The following LINC00305 variants were observed in gnomAD, a reference collection of about 807,000 sequenced individuals.
LINC00305 encodes long independently transcribed non-coding RNA 305.
At chr18:64,115,979 C>T (rs1010840541) in intron 1 of LINC00305, among the ~76,000 whole-genome samples, 1 of 152,154 alleles carries the variant, frequency 6.6e-6, no homozygotes, top group Non-Finnish European at 1.5e-5. Context: ...AGAAAATGTA[C>T]TTTTCCATTG....
intron 1 of LINC00305, among the ~76,000 whole-genome samples, chr18:64,143,804 T>C (rs924134511): frequency 2.0e-5 from 3 of 150,146 alleles, no homozygotes; most frequent in Middle Eastern, 3.4e-3. Flanking sequence ...TGCGTACATG[T>C]ATGTATACAT....
intron 1 of LINC00305, among the ~76,000 whole-genome samples, chr18:64,134,738 A>G (rs2144271493): frequency 6.6e-6 from 1 of 152,350 alleles, no homozygotes; most frequent in Admixed American, 6.5e-5. Context: ...ATATTTTCCC[A>G]AAACAAAAGT....
intron 3 of LINC00305, among the ~76,000 whole-genome samples, chr18:64,086,602 A>G (rs17785029): frequency 0.04 from 6,102 of 152,302 alleles, 166 homozygotes; most frequent in Non-Finnish European, 0.063. Flanking sequence ...TCTGTCCTCT[A>G]TTGAGAGTGT....
chr18:64,090,969 T>C (rs1038335117), intron 3 of LINC00305, among the ~76,000 whole-genome samples: 2 of 152,208 alleles, frequency 1.3e-5, no homozygotes, highest in Non-Finnish European at 2.9e-5. Context: ...TTGATTAGCA[T>C]TTACCAACAC....
intron 1 of LINC00305, among the ~76,000 whole-genome samples, chr18:64,122,041 AT>A (rs546756446): frequency 1.3e-5 from 2 of 151,568 alleles, no homozygotes. Flanking sequence ...TACTTCTTTG[AT>A]TTTTTGTTGA....
At chr18:64,091,278 G>T (rs1015817298) in intron 3 of LINC00305, among the ~76,000 whole-genome samples, 111 of 152,126 alleles carry the variant, frequency 7.3e-4, no homozygotes, top group African/African-American at 2.6e-3. Flanking sequence ...CTTTCCTTTG[G>T]ATCTCTCTAA....
intron 3 of LINC00305, among the ~76,000 whole-genome samples, chr18:64,080,947 AG>A (rs2051182693): frequency 6.6e-6 from 1 of 152,232 alleles, no homozygotes; most frequent in Admixed American, 6.5e-5. Context: ...TAAAAACAAC[AG>A]TATCTAGTCC....
chr18:64,140,022 C>T (rs186047644), intron 1 of LINC00305, among the ~76,000 whole-genome samples: 2 of 152,156 alleles, frequency 1.3e-5, no homozygotes, highest in African/African-American at 2.4e-5. Context: ...AAAGACTGCT[C>T]CCACCTCGGA....
intron 1 of LINC00305, among the ~76,000 whole-genome samples, chr18:64,107,914 C>T (rs536018409): frequency 6.6e-6 from 1 of 152,272 alleles, no homozygotes; most frequent in Non-Finnish European, 1.5e-5. Context: ...AGAACAGGCT[C>T]AGGCCATTGA....
intron 1 of LINC00305, among the ~76,000 whole-genome samples, chr18:64,098,791 T>C (rs2051257038): frequency 6.6e-6 from 1 of 152,204 alleles, no homozygotes; most frequent in Non-Finnish European, 1.5e-5. Flanking sequence ...CTTAGACGTG[T>C]CCTCTATTTG....
chr18:64,080,592 A>C (rs752624348), intron 3 of LINC00305, among the ~76,000 whole-genome samples: 1 of 152,218 alleles, frequency 6.6e-6, no homozygotes, highest in Non-Finnish European at 1.5e-5. Flanking sequence ...CCAGGATTTT[A>C]TCATAGAATT....
At chr18:64,102,170 T>G (rs1640981034) in intron 1 of LINC00305, among the ~76,000 whole-genome samples, 1 of 152,132 alleles carries the variant, frequency 6.6e-6, no homozygotes, top group Admixed American at 6.5e-5. Context: ...CACAAAGCCC[T>G]CAGCAGCAAC....
chr18:64,097,237 G>A (rs1354046241), intron 3 of LINC00305, among the ~76,000 whole-genome samples: 3 of 151,994 alleles, frequency 2.0e-5, no homozygotes, highest in Non-Finnish European at 4.4e-5. Context: ...TTTTAAAGAT[G>A]CTAATAGCTG....
chr18:64,133,161 T>C (rs2051417645), intron 1 of LINC00305, among the ~76,000 whole-genome samples: 1 of 152,102 alleles, frequency 6.6e-6, no homozygotes, highest in Non-Finnish European at 1.5e-5. Flanking sequence ...ACTGGTTGCA[T>C]AGGAGATGAG....
rs150377353 is a variant in LINC00305, at chr18:64,137,306, C to T, written n.314+11469G>A. On this transcript the variant is annotated intron_variant and non_coding_transcript_variant, in intron 1 of 3. Coordinates refer to ENST00000666468, the Ensembl canonical transcript of LINC00305. ...TGGAGCATGGCCCTGCCAGCACCTT[C>T]GTTTTTGACTTCTAGCCTCCAGAAC... is the stretch of plus-strand genomic sequence containing the variant. Among the ~76,000 whole-genome samples the T allele has an allele frequency of 1.1e-3, 166 of 152,282 alleles. 1 individual carries two copies. The highest frequency in any genetic ancestry group is 3.7e-3 in the African/African-American group (153 of 41,554).
At chr18:64,103,226 T>G (rs2051274887) in intron 1 of LINC00305, among the ~76,000 whole-genome samples, 2 of 152,230 alleles carry the variant, frequency 1.3e-5, no homozygotes, top group South Asian at 4.1e-4. Flanking sequence ...TCCATGTTGC[T>G]ACTAATCTCC....
intron 3 of LINC00305, among the ~76,000 whole-genome samples, chr18:64,087,692 A>G (rs2051208576): frequency 6.6e-6 from 1 of 152,138 alleles, no homozygotes; most frequent in South Asian, 2.1e-4. Context: ...GTCTTTAAGG[A>G]CCTATCTCTG....
At chr18:64,122,466 G>A (rs1441948645) in intron 1 of LINC00305, among the ~76,000 whole-genome samples, 1 of 151,974 alleles carries the variant, frequency 6.6e-6, no homozygotes. Flanking sequence ...GTATGATCTT[G>A]TCTATTTTGT....
At chr18:64,126,276 A>G (rs2144263869) in intron 1 of LINC00305, among the ~76,000 whole-genome samples, 1 of 152,204 alleles carries the variant, frequency 6.6e-6, no homozygotes, top group East Asian at 1.9e-4. Flanking sequence ...TTTCTAGATG[A>G]TAGCATTATA....
Sources: allele counts gnomAD v4.1 joint callset (sites outside exome capture counted in the v4.1 genomes callset), GRCh38; gene constraint gnomAD v4.1.1; transcripts MANE v1.5; gene names NCBI Gene and HGNC (gene_info 2026-07-23, HGNC 2026-07-21).